The following CELF2 variants were observed in gnomAD, a reference collection of about 807,000 sequenced individuals.
CELF2 encodes the protein CUGBP Elav-like family member 2.
In CELF2, 8 loss-of-function variants were observed where a neutral mutation model predicts 62.6. That is an observed-to-expected ratio of 0.13 (90% CI 0.07 to 0.23). The LOEUF (loss-of-function observed/expected upper bound fraction) is 0.23. Among genes scored for constraint, CELF2 ranks in the 10% least tolerant of loss-of-function variants. The pLI is 1.00. For missense variants in CELF2, 333 were observed against 671.0 expected, an observed-to-expected ratio of 0.50 and a Z score of 5.56; for synonymous variants, 258 against 250.0, an observed-to-expected ratio of 1.03 and a Z score of -0.30.
At chr10:10,909,575 T>C (rs1032754390) in intron 1 of CELF2, among the ~76,000 whole-genome samples, 1 of 152,210 alleles carries the variant, frequency 6.6e-6, no homozygotes, top group Admixed American at 6.5e-5. Flanking sequence ...GTGGCTTTTG[T>C]GTTTTCATTT....
Position 11,086,578 on chromosome 10 carries a change from T to TAAAAAAAAAAAAAAAAAAAAAA in CELF2, c.74+68426_74+68447dup, listed in dbSNP as rs1168932032. 5.6e-5 allele frequency among the ~76,000 whole-genome samples: 4 copies of TAAAAAAAAAAAAAAAAAAAAAA among 71,980 alleles called. 1 individual carries two copies. The highest frequency in any genetic ancestry group is 2.2e-4 in the African/African-American group (4 of 18,236). 47.2% of individuals were successfully genotyped at this position (71,980 alleles called of 152,430 possible). On this transcript the variant is annotated intron_variant, in intron 1 of 12. Transcript: ENST00000633077. ...AATCCATGTCTCCATTTGCATTTGTTAAAAAAAAAAAAAAAAAAAAAAAAA... is the reference window on the plus strand; with the variant it reads ...AATCCATGTCTCCATTTGCATTTGTTAAAAAAAAAAAAAAAAAAAAAAAAAAAAAAAAAAAAAAAAAAAAAAA...
intron 3 of CELF2, among the ~76,000 whole-genome samples, chr10:11,229,363 T>TCTTCCTGGCCATCTACC (rs144680361): frequency 0.039 from 5,930 of 152,182 alleles, 419 homozygotes; most frequent in African/African-American, 0.14. Context: ...CTAATAAGAT[T>TCTTCCTGGCCATCTACC]CTTCCTGGCC....
the CELF2 span, among the ~76,000 whole-genome samples, chr10:10,520,184 A>C: frequency 0.012 from 1,819 of 152,366 alleles, 36 homozygotes; most frequent in African/African-American, 0.042. Context: ...ATTTCTTAAA[A>C]GACCTATGGA....
rs1383775921 is a variant in CELF2, at chr10:11,267,084, A to G, written c.618+407A>G. On this transcript the variant is annotated intron_variant, in intron 6 of 12. Transcript: ENST00000633077. This position sits in a 1 kb window ranked among gnomAD's most constrained non-coding sequence, Gnocchi z 4.4. ...CCCAAATTACTGCTTGCCCTGTGCTAAGTCCCAGGGTTCTTTCGTTTGTAC... is the reference window on the plus strand; with the variant it reads ...CCCAAATTACTGCTTGCCCTGTGCTGAGTCCCAGGGTTCTTTCGTTTGTAC... Among the ~76,000 whole-genome samples, 27 of 152,338 alleles carry G rather than the reference A, an allele frequency of 1.8e-4. No individual in the cohort carries two copies. Among genetic ancestry groups the G allele is most frequent in the Admixed American group, 6.5e-5 (1 of 15,302 alleles).
chr10:10,472,494 G>T, the CELF2 span, among the ~76,000 whole-genome samples: 1 of 151,590 alleles, frequency 6.6e-6, no homozygotes, highest in Non-Finnish European at 1.5e-5. Context: ...AAAATTATTT[G>T]AACATACTTA....
At chr10:10,783,768 C>T in the CELF2 span, among the ~76,000 whole-genome samples, 19 of 152,094 alleles carry the variant, frequency 1.2e-4, no homozygotes, top group South Asian at 4.1e-4. Context: ...GGGCAGATCA[C>T]GGCATCAAGA....
chr10:10,969,352 T>A (rs1352808173), intron 2 of CELF2, among the ~76,000 whole-genome samples: 6 of 152,124 alleles, frequency 3.9e-5, no homozygotes. Flanking sequence ...AGGAGAAACA[T>A]CAGGGGTGAG....
intron 1 of CELF2, among the ~76,000 whole-genome samples, chr10:11,055,435 C>T (rs908304871): frequency 2.0e-5 from 3 of 152,118 alleles, no homozygotes; most frequent in African/African-American, 4.8e-5. Context: ...TTTGGCTGAC[C>T]GAGTATCATT....
chr10:11,150,150 C>A (rs764653365), intron 1 of CELF2, among the ~76,000 whole-genome samples: 1 of 152,198 alleles, frequency 6.6e-6, no homozygotes, highest in Admixed American at 6.5e-5. Context: ...AGACACAAGT[C>A]TTTCCAAGTA....
chr10:10,999,200 T>C (rs1188439541), intron 2 of CELF2, among the ~76,000 whole-genome samples: 1 of 152,174 alleles, frequency 6.6e-6, no homozygotes, highest in Non-Finnish European at 1.5e-5. Context: ...TGCAAGCCAC[T>C]GAGACTAGGT....
the CELF2 span, among the ~76,000 whole-genome samples, chr10:10,687,704 T>G: frequency 6.6e-6 from 1 of 152,234 alleles, no homozygotes; most frequent in African/African-American, 2.4e-5. Context: ...AGTTAAATTT[T>G]GTATCTAATT....
chr10:11,262,486 C>T (rs1176493412), intron 5 of CELF2, among the ~76,000 whole-genome samples: 1 of 152,312 alleles, frequency 6.6e-6, no homozygotes, highest in South Asian at 2.1e-4. Flanking sequence ...GACATGCCCC[C>T]TTGACTCCTT....
At chr10:11,167,829 C>A (rs1189074786) in intron 2 of CELF2, among the ~76,000 whole-genome samples, 1 of 152,144 alleles carries the variant, frequency 6.6e-6, no homozygotes, top group African/African-American at 2.4e-5. Context: ...TTTGTCCTTA[C>A]CAAAATCCAG....
intron 2 of CELF2, among the ~76,000 whole-genome samples, chr10:10,930,917 T>C (rs2065988882): frequency 6.6e-6 from 1 of 152,240 alleles, no homozygotes; most frequent in African/African-American, 2.4e-5. Context: ...CAGATTTTGC[T>C]GTCCAATGAG....
chr10:10,794,810 ATAT>A (rs2054046366), upstream of CELF2: 1 of 152,188 alleles, frequency 6.6e-6, no homozygotes, highest in African/African-American at 2.4e-5. Flanking sequence ...GGTGCTAATG[ATAT>A]TATCCTCAAC....
At chr10:10,561,748 C>G in the CELF2 span, among the ~76,000 whole-genome samples, 1 of 152,034 alleles carries the variant, frequency 6.6e-6, no homozygotes, top group African/African-American at 2.4e-5. Context: ...TTCCTTTGTA[C>G]ATATCTGAGA....
At chr10:11,278,473 G>A (rs1281996512) in intron 8 of CELF2, among the ~76,000 whole-genome samples, 3 of 152,178 alleles carry the variant, frequency 2.0e-5, no homozygotes, top group African/African-American at 7.2e-5. Context: ...TCAGAAACTT[G>A]GGGTCTGAGT....
At chr10:11,064,057 A>G (rs2067464419) in intron 1 of CELF2, among the ~76,000 whole-genome samples, 3 of 152,208 alleles carry the variant, frequency 2.0e-5, no homozygotes, top group African/African-American at 7.2e-5. Flanking sequence ...GCTGCGTGTC[A>G]GGCATGATTC....
Position 11,309,981 on chromosome 10 carries a change from G to C in CELF2, c.977-4158G>C, listed in dbSNP as rs576526449. ...TGCTTTTCTGTGAATGACACCTCTG[G>C]TCTACAGGAAGGGTACTGTGTGAGC... On this transcript the variant is annotated intron_variant, in intron 9 of 12. Transcript: ENST00000633077. The surrounding 1 kb of genome is among the most constrained non-coding windows in gnomAD (Gnocchi z 5.6). 8.5e-5 allele frequency among the ~76,000 whole-genome samples: 13 copies of C among 152,140 alleles called. No homozygotes were observed. Among genetic ancestry groups the C allele is most frequent in the Non-Finnish European group, 1.6e-4 (11 of 68,034 alleles).
Sources: gnomAD v4.1 joint callset for allele counts (sites outside exome capture counted in the v4.1 genomes callset) on GRCh38, gnomAD v4.1.1 for gene constraint, Gnocchi (gnomAD v3.1) non-coding constraint, MANE v1.5 for transcripts, NCBI Gene and HGNC (gene_info 2026-07-23, HGNC 2026-07-21) for gene names.